Variants in TMEM236 observed in about 807,000 individuals in gnomAD.
TMEM236 encodes the protein family with sequence similarity 23, member A.
A neutral mutation model predicts 14.7 loss-of-function variants in TMEM236; 11 were observed. The observed-to-expected ratio is 0.75, with a 90% CI of 0.47 to 1.24. TMEM236 has a LOEUF of 1.24. Ranked by LOEUF, TMEM236 falls within the 50% of genes most tolerant of loss-of-function variation. The pLI is 0.00. For synonymous variants in TMEM236, 182 were observed against 168.6 expected (o/e 1.08, Z -0.62); for missense variants, 464 against 427.3 (o/e 1.09, Z -0.76).
rs551662657 is a variant in TMEM236, at chr10:17,770,340, T to A, written c.258-969T>A. On this transcript the variant is annotated intron_variant, in intron 1 of 3. Coordinates refer to ENST00000377495, the MANE Select transcript of TMEM236 (RefSeq NM_001098844.3). Reference sequence around the variant, plus strand: ...CAGGTATCTTTTCTTGTCCCATAAATTAAGGATGCTAAACATACATTTAAA... The same window carrying A: ...CAGGTATCTTTTCTTGTCCCATAAAATAAGGATGCTAAACATACATTTAAA... Among the ~76,000 whole-genome samples the A allele has an allele frequency of 1.1e-4, 17 of 152,316 alleles. No individual in the cohort carries two copies. In the South Asian group the frequency reaches 3.5e-3, roughly 32 times the overall value.
chr10:17,752,431 C>T lies in TMEM236; in HGVS notation c.136C>T (p.His46Tyr). 2 of 1,613,984 alleles carry T rather than the reference C, an allele frequency of 1.2e-6. No individual in the cohort carries two copies. The highest frequency in any genetic ancestry group is 1.7e-6 in the Non-Finnish European group (2 of 1,179,854). ...AACAAGGGCTAGATCTGACAACACA[C>T]ACTACTGGCTGATCATCTCCTGTTC... The part of the protein sequence containing the change: ...QGTRARSDNT[H>Y]YWLIISCSIA... Residue 46 changes from histidine (H) to tyrosine (Y), a missense_variant, in exon 1 of 4, where the codon CAC becomes TAC. His to Tyr is a moderately conservative substitution (Grantham distance 83). Coordinates refer to ENST00000377495, the MANE Select transcript of TMEM236 (RefSeq NM_001098844.3).
chr10:17,789,511 A>C (rs1837888555), intron 3 of TMEM236, among the ~76,000 whole-genome samples: 1 of 152,202 alleles, frequency 6.6e-6, no homozygotes, highest in African/African-American at 2.4e-5. Context: ...CTTCACTGTG[A>C]GGTTGATGTC....
At chr10:17,753,031 T>C (rs1837231960) in intron 1 of TMEM236, among the ~76,000 whole-genome samples, 1 of 152,082 alleles carries the variant, frequency 6.6e-6, no homozygotes, top group Non-Finnish European at 1.5e-5. Flanking sequence ...GTACAGATTA[T>C]TTCACCGGCA....
chr10:17,778,453 A>G (rs2077916), intron 3 of TMEM236, among the ~76,000 whole-genome samples: 56,328 of 152,128 alleles, frequency 0.37, 10,926 homozygotes, highest in Middle Eastern at 0.55. Context: ...ATGAATTAAT[A>G]TATGAATACA....
At chr10:17,769,334 G>T (rs1052296000) in intron 1 of TMEM236, among the ~76,000 whole-genome samples, 1 of 152,182 alleles carries the variant, frequency 6.6e-6, no homozygotes, top group East Asian at 1.9e-4. Flanking sequence ...TTCTGTTTCG[G>T]ACATGGTAAG....
intron 1 of TMEM236, among the ~76,000 whole-genome samples, chr10:17,762,602 TATATATATATATATATAC>T (rs1386179409): frequency 0.024 from 1,917 of 80,718 alleles, 93 homozygotes; most frequent in African/African-American, 0.13. Context: ...TATATATATA[TATATATATATATATATAC>T]ACACATACAT....
At chr10:17,790,078 A>C (rs1202431833) in intron 3 of TMEM236, among the ~76,000 whole-genome samples, 1 of 152,030 alleles carries the variant, frequency 6.6e-6, no homozygotes, top group Non-Finnish European at 1.5e-5. Flanking sequence ...CAAAACAAAA[A>C]AATGAGCCAG....
At chr10:17,774,081 A>G (rs1457217728) in intron 2 of TMEM236, among the ~76,000 whole-genome samples, 1 of 151,414 alleles carries the variant, frequency 6.6e-6, no homozygotes, top group Admixed American at 6.6e-5. Flanking sequence ...GTGTTGCCCT[A>G]TTGCCCAGGC....
chr10:17,796,382 C>T lies in TMEM236; in HGVS notation c.934C>T (p.Leu312=). Residue 312 remains leucine, a synonymous_variant, in exon 4 of 4, where the codon CTG becomes TTG. Transcript: ENST00000377495. ...VFVRLGLIIA[L]GTITPVLGLC... is the part of the protein sequence containing the mutation. Reference sequence around the variant, plus strand: ...TGTTAGACTTGGTTTAATCATTGCCCTGGGGACTATCACACCCGTACTGGG... The same window carrying T: ...TGTTAGACTTGGTTTAATCATTGCCTTGGGGACTATCACACCCGTACTGGG... 1.9e-6 allele frequency: 3 copies of T among 1,613,876 alleles called. No homozygotes were observed. The highest frequency in any genetic ancestry group is 2.2e-5 in the South Asian group (2 of 91,068).
intron 3 of TMEM236, among the ~76,000 whole-genome samples, chr10:17,795,174 G>A (rs1439243951): frequency 6.6e-6 from 1 of 152,120 alleles, no homozygotes; most frequent in Non-Finnish European, 1.5e-5. Flanking sequence ...AGTTGGATTG[G>A]GGGACTTTTA....
chr10:17,769,337 A>C (rs1379286108), intron 1 of TMEM236, among the ~76,000 whole-genome samples: 1 of 152,206 alleles, frequency 6.6e-6, no homozygotes, highest in Non-Finnish European at 1.5e-5. Context: ...TGTTTCGGAC[A>C]TGGTAAGTCT....
At chr10:17,762,639 A>G (rs1167300236) in intron 1 of TMEM236, among the ~76,000 whole-genome samples, 2 of 140,380 alleles carry the variant, frequency 1.4e-5, no homozygotes, top group African/African-American at 2.6e-5. Flanking sequence ...ATATATATAT[A>G]TATTTAGGTT....
In TMEM236 at chr10:17,796,030, C is replaced by T; in HGVS notation, c.582C>T (p.Ser194=). 6.2e-7 allele frequency: 1 copy of T among 1,613,964 alleles called. No homozygotes were observed. The highest frequency in any genetic ancestry group is 8.5e-7 in the Non-Finnish European group (1 of 1,179,870). ...CTGCATCTCCCCAGGCAACCAACAG[C>T]ACCCAGGTGTCGCAGCCATCAGGAG... ...ENAASPQATN[S]TQVSQPSGAM... is the part of the protein sequence containing the mutation. The change falls in exon 4 of 4, where the codon AGC becomes AGT. Residue 194 remains serine (S), a synonymous_variant. Transcript: ENST00000377495.
intron 2 of TMEM236, 107 bp from the exon 3 acceptor site, chr10:17,775,922 A>G: frequency 7.1e-7 from 1 of 1,411,736 alleles, no homozygotes; most frequent in East Asian, 2.3e-5. Context: ...CTAGTTTTTT[A>G]GTAAATGTAA....
At chr10:17,770,644 A>G (rs1837555577) in intron 1 of TMEM236, among the ~76,000 whole-genome samples, 1 of 152,184 alleles carries the variant, frequency 6.6e-6, no homozygotes, top group African/African-American at 2.4e-5. Flanking sequence ...TGGCCTCCCA[A>G]AATGCTGGGA....
intron 1 of TMEM236, among the ~76,000 whole-genome samples, chr10:17,758,366 G>A (rs1350089346): frequency 1.3e-5 from 2 of 152,210 alleles, no homozygotes; most frequent in Non-Finnish European, 2.9e-5. Context: ...CTGTGAGGCT[G>A]GTCTTCAGGA....
intron 3 of TMEM236, among the ~76,000 whole-genome samples, chr10:17,794,723 A>T (rs1247075075): frequency 1.3e-5 from 2 of 152,150 alleles, no homozygotes; most frequent in African/African-American, 4.8e-5. Context: ...ACTCTTCACT[A>T]TGAATCTCTA....
At chr10:17,794,690 A>T (rs1417087006) in intron 3 of TMEM236, among the ~76,000 whole-genome samples, 1 of 152,188 alleles carries the variant, frequency 6.6e-6, no homozygotes, top group Non-Finnish European at 1.5e-5. Flanking sequence ...AGAACAGCTT[A>T]AAAACCTTGG....
chr10:17,784,093 A>G (rs2131760072), intron 3 of TMEM236, among the ~76,000 whole-genome samples: 1 of 152,206 alleles, frequency 6.6e-6, no homozygotes, highest in South Asian at 2.1e-4. Context: ...TTAAATTTTG[A>G]TGTCATCCAA....
Sources: gnomAD v4.1 joint callset for allele counts (sites outside exome capture counted in the v4.1 genomes callset) on GRCh38, gnomAD v4.1.1 for gene constraint, MANE v1.5 for transcripts, NCBI Gene and HGNC (gene_info 2026-07-23, HGNC 2026-07-21) for gene names.